Variants in TNIK observed in about 807,000 individuals in gnomAD.
The protein encoded by TNIK is TRAF2 and NCK interacting kinase.
Under a neutral mutation model 191.3 loss-of-function variants are expected in TNIK, and 49 were observed. That is an observed-to-expected ratio of 0.26 (90% CI 0.20 to 0.32). The LOEUF is 0.32. Among genes scored for constraint, TNIK ranks in the 10% least tolerant of loss-of-function variants. The pLI is 1.00. For synonymous variants in TNIK, 594 were observed against 600.9 expected, an observed-to-expected ratio of 0.99 and a Z score of 0.17; for missense variants, 1,155 against 1,702.3, an observed-to-expected ratio of 0.68 and a Z score of 5.66.
chr3:171,266,337 T>C (rs1003580038), intron 2 of TNIK, among the ~76,000 whole-genome samples: 21 of 152,134 alleles, frequency 1.4e-4, no homozygotes, highest in African/African-American at 4.6e-4. Flanking sequence ...ATTCCAATAT[T>C]ATTTTAAATA....
At chr3:171,089,172 T>C (rs572650748) in intron 23 of TNIK, among the ~76,000 whole-genome samples, 26 of 152,330 alleles carry the variant, frequency 1.7e-4, no homozygotes, top group Non-Finnish European at 2.9e-4. Flanking sequence ...TTTGTGTTTC[T>C]TGGCAACCTG....
chr3:171,090,716 AC>A (rs1721952830), intron 23 of TNIK, among the ~76,000 whole-genome samples: 1 of 152,200 alleles, frequency 6.6e-6, no homozygotes, highest in Admixed American at 6.5e-5. Flanking sequence ...ATGGCAGCTC[AC>A]AGCTGGTGTG....
In TNIK at chr3:171,414,492, G is replaced by A. The variant is rs571995968; in HGVS notation, c.58-44807C>T. On this transcript the variant is annotated intron_variant, in intron 1 of 32. Transcript: ENST00000436636. ...CCTTAGACCTGCTGGATGCATCATA[G>A]TTTATAAAGCACGTTCATACACATC... Among the ~76,000 whole-genome samples the A allele has an allele frequency of 5.3e-4, 81 of 152,328 alleles. No individual in the cohort carries two copies. The South Asian group carries it at 0.01, about 19-fold the overall frequency.
At position 171,231,525 on chromosome 3, in the gene TNIK, C is replaced by T. The variant is rs538717226; in HGVS notation, c.124-3304G>A. 2.4e-3 allele frequency among the ~76,000 whole-genome samples: 359 copies of T among 152,148 alleles called. 1 individual carries two copies. Among genetic ancestry groups the T allele is most frequent in the Admixed American group, 4.5e-3 (68 of 15,276 alleles). On this transcript the variant is annotated intron_variant, in intron 2 of 32. Transcript: ENST00000436636. ...GGTGGAACAATTAGCAGCCTCAGAT[C>T]ACTCCCAGGCAAAGGTATCCCCACG...
At chr3:171,068,821 C>G in intron 30 of TNIK, 27 bp downstream of exon 30, 1 of 1,601,286 alleles carries the variant, frequency 6.2e-7, no homozygotes. Context: ...ACAGAGAGCC[C>G]TTGAAAGTCT....
chr3:171,251,164 C>G (rs1746175624), intron 2 of TNIK, among the ~76,000 whole-genome samples: 1 of 152,310 alleles, frequency 6.6e-6, no homozygotes, highest in East Asian at 1.9e-4. Context: ...CATGTTGGAA[C>G]CTGCCTGTGG....
intron 1 of TNIK, among the ~76,000 whole-genome samples, chr3:171,392,778 C>CA (rs60306915): frequency 0.052 from 4,920 of 95,152 alleles, 413 homozygotes; most frequent in African/African-American, 0.17. Context: ...GATTCTGTCT[C>CA]AAAAAAAAAA....
chr3:171,071,824 G>T (rs531682874), intron 28 of TNIK, among the ~76,000 whole-genome samples: 3 of 152,270 alleles, frequency 2.0e-5, no homozygotes, highest in Admixed American at 6.5e-5. Context: ...TCTAACGAAA[G>T]GGGGGTGTTA....
chr3:171,283,609 G>A (rs1485699001), intron 2 of TNIK, among the ~76,000 whole-genome samples: 1 of 152,178 alleles, frequency 6.6e-6, no homozygotes, highest in Non-Finnish European at 1.5e-5. Context: ...AAGGAAAAGT[G>A]GAAATCTAAT....
intron 1 of TNIK, among the ~76,000 whole-genome samples, chr3:171,379,723 C>T (rs1717755043): frequency 6.6e-6 from 1 of 152,134 alleles, no homozygotes; most frequent in Admixed American, 6.5e-5. Context: ...AAGAAGCATA[C>T]ATGCAGGCCG....
intron 2 of TNIK, among the ~76,000 whole-genome samples, chr3:171,337,850 C>A (rs915183199): frequency 5.3e-5 from 8 of 152,186 alleles, no homozygotes; most frequent in African/African-American, 1.9e-4. Context: ...AGAGGGAGAA[C>A]TACAAATGCC....
At chr3:171,176,143 AG>A (rs1379579686) in intron 8 of TNIK, among the ~76,000 whole-genome samples, 1 of 152,238 alleles carries the variant, frequency 6.6e-6, no homozygotes, top group African/African-American at 2.4e-5. Context: ...TTCTGTGGGC[AG>A]AAGTTTATTT....
chr3:171,431,609 T>G (rs1344719285), intron 1 of TNIK, among the ~76,000 whole-genome samples: 1 of 152,216 alleles, frequency 6.6e-6, no homozygotes, highest in Non-Finnish European at 1.5e-5. Flanking sequence ...CATGCATTAG[T>G]ACAGTAACTT....
chr3:171,413,905 C>T (rs1722722321), intron 1 of TNIK, among the ~76,000 whole-genome samples: 1 of 152,168 alleles, frequency 6.6e-6, no homozygotes, highest in Non-Finnish European at 1.5e-5. Context: ...GTAGTTATCT[C>T]ACATTGTTTG....
At chr3:171,104,978 TTTCAAAGACTATA>T (rs550535407) in intron 21 of TNIK, among the ~76,000 whole-genome samples, 2,650 of 152,292 alleles carry the variant, frequency 0.017, 61 homozygotes, top group African/African-American at 0.046. Flanking sequence ...ACCCATTTAT[TTTCAAAGACTATA>T]TTCAAAGACT....
At chr3:171,244,217 A>AC (rs1745332178) in intron 2 of TNIK, among the ~76,000 whole-genome samples, 1 of 151,990 alleles carries the variant, frequency 6.6e-6, no homozygotes. Flanking sequence ...GGCGCCCGCC[A>AC]CCACGCCCGG....
chr3:171,234,414 T>C (rs6789594), intron 2 of TNIK, among the ~76,000 whole-genome samples: 26,124 of 152,112 alleles, frequency 0.17, 4,088 homozygotes, highest in African/African-American at 0.42. Context: ...CTCCCAGACT[T>C]GTGGCAGAGG....
intron 2 of TNIK, among the ~76,000 whole-genome samples, chr3:171,284,485 AGTCC>A (rs965238310): frequency 6.6e-6 from 1 of 152,166 alleles, no homozygotes; most frequent in African/African-American, 2.4e-5. Flanking sequence ...CTGAATCATC[AGTCC>A]GTCTTTAGAA....
At position 171,148,912 on chromosome 3, in the gene TNIK, T is replaced by A. The variant is rs540475452; in HGVS notation, c.1222-8403A>T. On this transcript the variant is annotated intron_variant, in intron 12 of 32. Coordinates refer to ENST00000436636, the MANE Select transcript of TNIK (RefSeq NM_015028.4). ...CGGACATACAAGGAAAGATTATATG[T>A]TAAACAGGTTAGATAACCCTGTTTG... Among the ~76,000 whole-genome samples the A allele has an allele frequency of 5.9e-5, 9 of 152,318 alleles. No homozygotes were observed. In the East Asian group the frequency reaches 1.7e-3, roughly 29 times the overall value.
Sources: allele counts gnomAD v4.1 joint callset (sites outside exome capture counted in the v4.1 genomes callset), GRCh38; gene constraint gnomAD v4.1.1; transcripts MANE v1.5; gene names NCBI Gene and HGNC (gene_info 2026-07-23, HGNC 2026-07-21).